The following UNC13C variants were observed in gnomAD, a reference collection of about 807,000 sequenced individuals.
The protein encoded by UNC13C is unc-13 homolog C.
Under a neutral mutation model 245.4 loss-of-function variants are expected in UNC13C, and 174 were observed. That is an observed-to-expected ratio of 0.71 (90% CI 0.63 to 0.80). UNC13C has a LOEUF of 0.80. Ranked by LOEUF, UNC13C falls within the 30% of genes least tolerant of loss-of-function variation. UNC13C has a pLI of 0.00. For missense variants in UNC13C, 2,829 were observed against 2,602.9 expected (o/e 1.09, Z -1.89); for synonymous variants, 992 against 895.1 (o/e 1.11, Z -1.93).
rs1476842489 is a variant in UNC13C at position 54,393,159 on chromosome 15, G to A, written c.4825G>A (p.Ala1609Thr). The A allele has an allele frequency of 6.2e-7, 1 of 1,600,792 alleles. No homozygotes were observed. Among genetic ancestry groups the A allele is most frequent in the Admixed American group, 1.8e-5 (1 of 56,800 alleles). ...MVTIIDEDKTAYTPVLNQFPQ... is the reference protein window; with the variant it reads ...MVTIIDEDKTTYTPVLNQFPQ... ...TACTATTATTGATGAGGATAAAACT[G>A]CCTACACACCTGTCCTGAATCAGTA... The change falls in exon 18 of 33, where the codon GCC becomes ACC. Residue 1609 changes from alanine to threonine, a missense_variant. Ala to Thr is a moderately conservative substitution (Grantham distance 58, BLOSUM62 0). Coordinates refer to ENST00000260323, the MANE Select transcript of UNC13C (RefSeq NM_001080534.3).
chr15:54,499,640 A>T (rs1894109051), intron 20 of UNC13C, among the ~76,000 whole-genome samples: 1 of 152,162 alleles, frequency 6.6e-6, no homozygotes, highest in Non-Finnish European at 1.5e-5. Flanking sequence ...TCCAAAAATC[A>T]GTTGTCCATA....
At chr15:54,512,257 T>G (rs1894778149) in intron 24 of UNC13C, 5 of 438,276 alleles carry the variant, frequency 1.1e-5, no homozygotes, top group Non-Finnish European at 2.3e-5. Flanking sequence ...TTTTTCACAT[T>G]GAGAAAGCTC....
At chr15:54,390,781 C>T (rs965500221) in intron 17 of UNC13C, among the ~76,000 whole-genome samples, 9 of 151,904 alleles carry the variant, frequency 5.9e-5, no homozygotes, top group African/African-American at 2.2e-4. Flanking sequence ...TAAAAAGTTT[C>T]ACATAGAGAA....
At chr15:54,169,423 C>G (rs1044182278) in intron 4 of UNC13C, among the ~76,000 whole-genome samples, 18 of 152,114 alleles carry the variant, frequency 1.2e-4, no homozygotes. Context: ...GTATTTTGCC[C>G]ATTACTAACC....
At chr15:54,141,467 C>T (rs774831164) in intron 2 of UNC13C, among the ~76,000 whole-genome samples, 4 of 151,916 alleles carry the variant, frequency 2.6e-5, no homozygotes, top group Non-Finnish European at 5.9e-5. Context: ...GACTGTAATA[C>T]TATATGTAAT....
chr15:53,928,777 T>C, the UNC13C span, among the ~76,000 whole-genome samples: 2 of 152,142 alleles, frequency 1.3e-5, no homozygotes, highest in African/African-American at 4.8e-5. Context: ...TACTGGGAGC[T>C]CTAACTTAGC....
chr15:53,935,821 G>A, the UNC13C span, among the ~76,000 whole-genome samples: 1 of 152,086 alleles, frequency 6.6e-6, no homozygotes, highest in South Asian at 2.1e-4. Flanking sequence ...TGGAACAGGA[G>A]ACCCCCTTGT....
At chr15:54,458,269 T>G (rs1368563772) in intron 19 of UNC13C, among the ~76,000 whole-genome samples, 2 of 152,138 alleles carry the variant, frequency 1.3e-5, no homozygotes, top group Non-Finnish European at 2.9e-5. Flanking sequence ...ACTTTTAGTT[T>G]TCTTAAATTT....
At chr15:54,354,206 C>G (rs2039044802) in intron 17 of UNC13C, among the ~76,000 whole-genome samples, 1 of 152,084 alleles carries the variant, frequency 6.6e-6, no homozygotes, top group African/African-American at 2.4e-5. Context: ...AATAATTGCT[C>G]ATAGAATTGC....
At chr15:54,396,514 T>C (rs764247586) in intron 18 of UNC13C, among the ~76,000 whole-genome samples, 1 of 151,686 alleles carries the variant, frequency 6.6e-6, no homozygotes, top group Non-Finnish European at 1.5e-5. Flanking sequence ...ACAATATGTT[T>C]ATTCATTCAT....
chr15:54,405,970 A>G (rs1196589160), intron 18 of UNC13C, among the ~76,000 whole-genome samples: 1 of 139,998 alleles, frequency 7.1e-6, no homozygotes, highest in African/African-American at 2.7e-5. Context: ...TTTACAGTAA[A>G]GAGATGCTAT....
chr15:54,624,933 A>T (rs1197165291), intron 32 of UNC13C, among the ~76,000 whole-genome samples: 1 of 152,164 alleles, frequency 6.6e-6, no homozygotes, highest in African/African-American at 2.4e-5. Context: ...TACCATACTT[A>T]TGCCTGAAAA....
chr15:54,163,754 C>A (rs939557259), intron 4 of UNC13C, among the ~76,000 whole-genome samples: 1 of 152,220 alleles, frequency 6.6e-6, no homozygotes, highest in East Asian at 1.9e-4. Context: ...TAAGAGATCA[C>A]CATCTTTTTT....
intron 19 of UNC13C, among the ~76,000 whole-genome samples, chr15:54,456,242 T>C: frequency 6.6e-6 from 1 of 152,226 alleles, no homozygotes; most frequent in East Asian, 1.9e-4. Flanking sequence ...CATGCTGTTT[T>C]GATAATTATA....
rs559038919 is a variant in UNC13C, at chr15:54,174,031, T to C, written c.3071+30347T>C. 6.6e-5 allele frequency among the ~76,000 whole-genome samples: 10 copies of C among 152,312 alleles called. No homozygotes were observed. In the East Asian group the frequency reaches 1.9e-3, roughly 29 times the overall value. ...AATTGTTGCATCAATATTGTATTCT[T>C]ATGATAAACTTCAATAGGTCATGAT... On this transcript the variant is annotated intron_variant, in intron 4 of 32. Coordinates refer to ENST00000260323, the MANE Select transcript of UNC13C (RefSeq NM_001080534.3).
intron 28 of UNC13C, among the ~76,000 whole-genome samples, chr15:54,552,675 A>AATTATATATTAT (rs1896855675): frequency 1.2e-5 from 1 of 84,150 alleles, no homozygotes; most frequent in Non-Finnish European, 2.0e-5. Context: ...TGTACTATAT[A>AATTATATATTAT]ATATAATTAT....
chr15:53,894,995 AG>A, the UNC13C span, among the ~76,000 whole-genome samples: 39,762 of 151,946 alleles, frequency 0.26, 5,643 homozygotes, highest in East Asian at 0.42. Context: ...AGATATCACT[AG>A]ATAAATATGT....
intron 17 of UNC13C, among the ~76,000 whole-genome samples, 151 bp downstream of exon 17, chr15:54,338,640 G>C (rs1049757730): frequency 1.3e-5 from 2 of 151,884 alleles, no homozygotes; most frequent in Admixed American, 6.6e-5. Flanking sequence ...CTTCATATTT[G>C]AATATCACTT....
chr15:54,057,771 A>G (rs1309985734), intron 2 of UNC13C, among the ~76,000 whole-genome samples: 3 of 152,256 alleles, frequency 2.0e-5, no homozygotes, highest in South Asian at 2.1e-4. Context: ...CTCTCAGACC[A>G]CAGTGCAATC....
Sources: allele counts gnomAD v4.1 joint callset (sites outside exome capture counted in the v4.1 genomes callset), GRCh38; gene constraint gnomAD v4.1.1; transcripts MANE v1.5; gene names NCBI Gene and HGNC (gene_info 2026-07-23, HGNC 2026-07-21).